AGBL4: variants seen among roughly 807,000 people sequenced by gnomAD.
AGBL4 encodes cytosolic carboxypeptidase 6.
A neutral mutation model predicts 66.4 loss-of-function variants in AGBL4; 58 were observed. The observed-to-expected ratio is 0.87, with a 90% CI of 0.71 to 1.09. AGBL4 has a LOEUF of 1.09. Ranked by LOEUF, AGBL4 falls within the 50% of genes least tolerant of loss-of-function variation. The pLI is 0.00. For synonymous variants in AGBL4, 234 were observed against 222.9 expected (o/e 1.05, Z -0.44); for missense variants, 579 against 631.0 (o/e 0.92, Z 0.88).
intron 3 of AGBL4, among the ~76,000 whole-genome samples, chr1:49,281,363 TG>T (rs1256058651): frequency 6.6e-6 from 1 of 152,110 alleles, no homozygotes; most frequent in Non-Finnish European, 1.5e-5. Flanking sequence ...AAGGCTGGCT[TG>T]GGGGTTTATG....
chr1:49,802,262 G>T (rs377249225), intron 2 of AGBL4, among the ~76,000 whole-genome samples: 3 of 136,378 alleles, frequency 2.2e-5, no homozygotes, highest in East Asian at 4.4e-4. Flanking sequence ...AGACACATCG[G>T]GGGGGGTCGC....
intron 11 of AGBL4, among the ~76,000 whole-genome samples, chr1:48,552,246 CAG>C (rs1644260019): frequency 6.6e-6 from 1 of 152,036 alleles, no homozygotes; most frequent in South Asian, 2.1e-4. Flanking sequence ...GTGTTTTTAA[CAG>C]AGACGAGGTT....
intron 6 of AGBL4, among the ~76,000 whole-genome samples, chr1:48,714,094 A>C (rs541020087): frequency 9.2e-5 from 14 of 152,296 alleles, no homozygotes; most frequent in Non-Finnish European, 1.6e-4. Context: ...ATGTGTTGGC[A>C]TGAGTCGTCA....
intron 3 of AGBL4, among the ~76,000 whole-genome samples, chr1:49,398,856 ACT>A (rs1645026493): frequency 6.6e-6 from 1 of 152,018 alleles, no homozygotes; most frequent in African/African-American, 2.4e-5. Flanking sequence ...ATCCAATTGT[ACT>A]CTTTTAGTTA....
intron 8 of AGBL4, among the ~76,000 whole-genome samples, chr1:48,652,675 G>A (rs1328410098): frequency 6.6e-6 from 1 of 152,174 alleles, no homozygotes; most frequent in Admixed American, 6.5e-5. Flanking sequence ...TGTGAAATAA[G>A]GGCAATAACA....
intron 1 of AGBL4, among the ~76,000 whole-genome samples, chr1:49,963,588 C>G (rs1657297651): frequency 6.6e-6 from 1 of 152,104 alleles, no homozygotes; most frequent in Admixed American, 6.6e-5. Flanking sequence ...AAAGTCAGGG[C>G]AAAGGCTTCT....
At chr1:49,210,448 G>A (rs1422161097) in intron 4 of AGBL4, among the ~76,000 whole-genome samples, 1 of 151,964 alleles carries the variant, frequency 6.6e-6, no homozygotes, top group Admixed American at 6.6e-5. Context: ...ATTCTGAAGA[G>A]GTTTCTATCT....
chr1:48,935,803 C>G (rs1236508057), intron 5 of AGBL4, among the ~76,000 whole-genome samples: 2 of 149,128 alleles, frequency 1.3e-5, no homozygotes, highest in Non-Finnish European at 3.0e-5. Context: ...ACTAAAAATA[C>G]AAAAAATCAG....
chr1:49,718,917 C>A (rs886361138), intron 2 of AGBL4, among the ~76,000 whole-genome samples: 3 of 151,988 alleles, frequency 2.0e-5, no homozygotes, highest in African/African-American at 4.8e-5. Flanking sequence ...GCATTTCTTT[C>A]TCCAGATGCC....
At chr1:49,523,646 G>C (rs1351449252) in intron 3 of AGBL4, among the ~76,000 whole-genome samples, 1 of 152,026 alleles carries the variant, frequency 6.6e-6, no homozygotes, top group Non-Finnish European at 1.5e-5. Flanking sequence ...GTGACGTAAG[G>C]TTGATTTTAA....
At chr1:48,729,888 A>G (rs1359725504) in intron 6 of AGBL4, among the ~76,000 whole-genome samples, 1 of 152,054 alleles carries the variant, frequency 6.6e-6, no homozygotes, top group Non-Finnish European at 1.5e-5. Context: ...TGGCCTTTCC[A>G]TAAGGACTGA....
chr1:48,608,471 A>C (rs1645185317), intron 9 of AGBL4, among the ~76,000 whole-genome samples: 1 of 152,174 alleles, frequency 6.6e-6, no homozygotes, highest in Non-Finnish European at 1.5e-5. Context: ...TGTGAGGATT[A>C]TGGTAACTTG....
chr1:49,408,746 A>T (rs1557913294), intron 3 of AGBL4, among the ~76,000 whole-genome samples: 1 of 152,194 alleles, frequency 6.6e-6, no homozygotes, highest in Non-Finnish European at 1.5e-5. Flanking sequence ...CTCGGGCCTT[A>T]GGCCATAGAC....
intron 3 of AGBL4, among the ~76,000 whole-genome samples, chr1:49,585,484 A>G (rs115528983): frequency 0.012 from 1,788 of 152,276 alleles, 31 homozygotes; most frequent in African/African-American, 0.041. Context: ...CCTCCAGCCA[A>G]CAGTCACCAA....
At chr1:49,643,871 C>T (rs1205990537) in intron 3 of AGBL4, among the ~76,000 whole-genome samples, 2 of 151,326 alleles carry the variant, frequency 1.3e-5, no homozygotes, top group Non-Finnish European at 3.0e-5. Flanking sequence ...TATAAAAGTC[C>T]GAATCTAAAC....
At chr1:49,383,803 A>ATAT (rs1644674436) in intron 3 of AGBL4, among the ~76,000 whole-genome samples, 1 of 144,680 alleles carries the variant, frequency 6.9e-6, no homozygotes, top group African/African-American at 2.6e-5. Context: ...ATATATATAT[A>ATAT]TTTTTTTTTT....
intron 3 of AGBL4, among the ~76,000 whole-genome samples, chr1:49,309,636 G>GT (rs1644909937): frequency 6.6e-6 from 1 of 151,896 alleles, no homozygotes; most frequent in Non-Finnish European, 1.5e-5. Flanking sequence ...GTGTGCATGT[G>GT]TATGTACTGT....
chr1:48,963,997 A>G (rs747024270), intron 5 of AGBL4, among the ~76,000 whole-genome samples: 2 of 152,226 alleles, frequency 1.3e-5, no homozygotes, highest in Non-Finnish European at 2.9e-5. Flanking sequence ...ATACAGTAGC[A>G]AACAAGTCTC....
chr1:49,738,521 C>T (rs1006217183), intron 2 of AGBL4, among the ~76,000 whole-genome samples: 5 of 152,224 alleles, frequency 3.3e-5, no homozygotes, highest in African/African-American at 1.2e-4. Flanking sequence ...CCTCTGCAGA[C>T]TTAAATGTCC....
Sources: allele counts gnomAD v4.1 joint callset (sites outside exome capture counted in the v4.1 genomes callset), GRCh38; gene constraint gnomAD v4.1.1; transcripts MANE v1.5; gene names NCBI Gene and HGNC (gene_info 2026-07-23, HGNC 2026-07-21).